Variants in RIN2 observed in about 807,000 individuals in gnomAD.
RIN2 encodes the protein Ras and Rab interactor 2, also known as RAB5 interacting protein 2.
A neutral mutation model predicts 78.0 loss-of-function variants in RIN2; 36 were observed. That is an observed-to-expected ratio of 0.46 (90% confidence interval 0.35 to 0.61). The LOEUF is 0.61. RIN2 is among the 20% of genes least tolerant of loss of function. The pLI, the probability that RIN2 is intolerant of heterozygous loss-of-function variation, is 0.00. For synonymous variants in RIN2, 466 were observed against 466.8 expected, an observed-to-expected ratio of 1.00 and a Z score of 0.02; for missense variants, 1,087 against 1,159.7, an observed-to-expected ratio of 0.94 and a Z score of 0.91.
intron 1 of RIN2, among the ~76,000 whole-genome samples, chr20:19,764,782 G>C (rs2033795278): frequency 6.6e-6 from 1 of 151,970 alleles, no homozygotes; most frequent in African/African-American, 2.4e-5. Flanking sequence ...TTATAGAGTA[G>C]GAACAAAAGT....
chr20:19,958,766 G>A (rs1416850175), intron 5 of RIN2, among the ~76,000 whole-genome samples: 2 of 152,218 alleles, frequency 1.3e-5, no homozygotes, highest in East Asian at 3.8e-4. Context: ...CTACTCCAGA[G>A]GCTGAGGCAG....
intron 2 of RIN2, among the ~76,000 whole-genome samples, chr20:19,826,933 T>TGG (rs1555827755): frequency 2.0e-5 from 3 of 150,928 alleles, no homozygotes; most frequent in African/African-American, 7.4e-5. Context: ...TTTGTTATTG[T>TGG]TGGTGGTGGT....
intron 2 of RIN2, among the ~76,000 whole-genome samples, chr20:19,873,271 T>C (rs1209217490): frequency 1.3e-5 from 2 of 152,076 alleles, no homozygotes; most frequent in African/African-American, 4.8e-5. Context: ...ACTACAGGCA[T>C]GTGCCACCAC....
chr20:19,810,225 C>A (rs1260010509), intron 2 of RIN2, among the ~76,000 whole-genome samples: 3 of 150,660 alleles, frequency 2.0e-5, no homozygotes, highest in African/African-American at 7.4e-5. Context: ...ATGGCAAAAC[C>A]CCGTCTCTAT....
At chr20:19,778,831 C>T (rs1189161334) in intron 1 of RIN2, among the ~76,000 whole-genome samples, 1 of 152,162 alleles carries the variant, frequency 6.6e-6, no homozygotes, top group Non-Finnish European at 1.5e-5. Context: ...AGAGACACCA[C>T]CTGAGTTGCC....
chr20:19,764,921 T>TTTTTTTTTTTG (rs2033812524), intron 1 of RIN2, among the ~76,000 whole-genome samples: 6 of 109,640 alleles, frequency 5.5e-5, no homozygotes, highest in African/African-American at 1.9e-4. Flanking sequence ...TTTCTGCGTT[T>TTTTTTTTTTTG]TTTTTTTTTT....
chr20:19,865,356 AAGATC>A (rs2037470474), intron 2 of RIN2, among the ~76,000 whole-genome samples: 1 of 152,242 alleles, frequency 6.6e-6, no homozygotes, highest in Non-Finnish European at 1.5e-5. Context: ...AAGAGCCAGA[AAGATC>A]AGCTCAGCTA....
Position 19,907,820 on chromosome 20 carries a change from G to A in RIN2, c.57+18162G>A, listed in dbSNP as rs6112650. Among the ~76,000 whole-genome samples the A allele has an allele frequency of 2.6e-5, 4 of 152,196 alleles. No homozygotes were observed. In the East Asian group the frequency reaches 7.7e-4, roughly 29 times the overall value. On this transcript the variant is annotated intron_variant, in intron 3 of 12. Coordinates refer to ENST00000255006, the MANE Select transcript of RIN2 (RefSeq NM_018993.4). ...TGGTGGAAAGGCCATGGGTTTGTAA[G>A]GGCTGCCAATCCCTGTTGCACCATT...
At chr20:19,791,244 G>A (rs2034881481) in intron 1 of RIN2, among the ~76,000 whole-genome samples, 1 of 150,920 alleles carries the variant, frequency 6.6e-6, no homozygotes, top group South Asian at 2.1e-4. Context: ...AGATATATAT[G>A]TATTTCTAAA....
intron 2 of RIN2, among the ~76,000 whole-genome samples, chr20:19,842,335 G>A (rs1431413357): frequency 7.0e-6 from 1 of 143,264 alleles, no homozygotes; most frequent in East Asian, 2.1e-4. Flanking sequence ...CAATTCTCCT[G>A]CCTCAGCACC....
At chr20:19,761,875 C>A (rs919381327) in intron 1 of RIN2, among the ~76,000 whole-genome samples, 2 of 152,188 alleles carry the variant, frequency 1.3e-5, no homozygotes, top group Non-Finnish European at 2.9e-5. Context: ...TTCAACCAGC[C>A]TTTCCAACTC....
intron 1 of RIN2, among the ~76,000 whole-genome samples, chr20:19,785,159 A>G (rs1362728296): frequency 1.3e-5 from 2 of 152,116 alleles, no homozygotes; most frequent in African/African-American, 4.8e-5. Flanking sequence ...CAGTAAAGAA[A>G]ATAGATGACA....
intron 2 of RIN2, among the ~76,000 whole-genome samples, chr20:19,812,804 T>C (rs544973934): frequency 6.6e-6 from 1 of 152,312 alleles, no homozygotes; most frequent in East Asian, 1.9e-4. Flanking sequence ...CTGGTAATAA[T>C]ACTCCCTGGA....
At chr20:19,886,510 C>T (rs541600063) in intron 2 of RIN2, 1 of 571,586 alleles carries the variant, frequency 1.7e-6, no homozygotes, top group South Asian at 2.5e-5. Flanking sequence ...GCGACCAGCT[C>T]CGTTTACATT....
intron 1 of RIN2, among the ~76,000 whole-genome samples, chr20:19,788,439 A>ACAAAAAAAAAAC (rs1555818736): frequency 2.3e-5 from 3 of 132,994 alleles, no homozygotes; most frequent in South Asian, 2.4e-4. Flanking sequence ...TGCCAAAAAA[A>ACAAAAAAAAAAC]AAAAAAAAAA....
At chr20:19,841,039 C>T (rs2123080994) in intron 2 of RIN2, among the ~76,000 whole-genome samples, 1 of 152,180 alleles carries the variant, frequency 6.6e-6, no homozygotes, top group African/African-American at 2.4e-5. Flanking sequence ...TCCTATGGGT[C>T]ATTTTCAATC....
At chr20:19,865,488 C>CTTTTTT (rs58947389) in intron 2 of RIN2, among the ~76,000 whole-genome samples, 2 of 135,868 alleles carry the variant, frequency 1.5e-5, no homozygotes, top group African/African-American at 2.7e-5. Flanking sequence ...TACTTTCTTT[C>CTTTTTT]TTTTTTTTTT....
At chr20:19,766,876 C>T (rs751965090) in intron 1 of RIN2, among the ~76,000 whole-genome samples, 3 of 149,884 alleles carry the variant, frequency 2.0e-5, no homozygotes, top group Non-Finnish European at 4.4e-5. Context: ...CGCGCCACTG[C>T]ACTCCAGCCT....
chr20:19,960,359 G>C (rs1217406529), intron 5 of RIN2, among the ~76,000 whole-genome samples: 1 of 152,160 alleles, frequency 6.6e-6, no homozygotes, highest in Non-Finnish European at 1.5e-5. Context: ...TAAGACAGGG[G>C]CTACAGAATA....
Sources: gnomAD v4.1 joint callset for allele counts (sites outside exome capture counted in the v4.1 genomes callset) on GRCh38, gnomAD v4.1.1 for gene constraint, MANE v1.5 for transcripts, NCBI Gene and HGNC (gene_info 2026-07-23, HGNC 2026-07-21) for gene names.